Variants in ABCB7 observed in about 807,000 individuals in gnomAD.
ABCB7 encodes iron-sulfur clusters transporter ABCB7, mitochondrial.
ABCB7 carries 7 observed loss-of-function variants against 54.4 expected under a neutral mutation model. The ratio of observed to expected loss-of-function variants is 0.13; its 90% CI spans 0.07 to 0.24. The LOEUF is 0.24. Among genes scored for constraint, ABCB7 ranks in the 10% least tolerant of loss-of-function variants. The pLI, the probability that ABCB7 is intolerant of heterozygous loss-of-function variation, is 1.00. For missense variants in ABCB7, 356 were observed against 570.4 expected, an observed-to-expected ratio of 0.62 and a Z score of 3.83; for synonymous variants, 218 against 207.1, an observed-to-expected ratio of 1.05 and a Z score of -0.45.
At chrX:75,057,351 T>G (rs889770125) in intron 15 of ABCB7, among the ~76,000 whole-genome samples, 3 of 109,956 alleles carry the variant, frequency 2.7e-5, no homozygotes, top group African/African-American at 9.9e-5. Flanking sequence ...CTTACCAATA[T>G]ATTCTACAGA....
chrX:75,116,319 G>A (rs193020302), intron 1 of ABCB7, among the ~76,000 whole-genome samples: 21 of 40,234 alleles, frequency 5.2e-4, no homozygotes, highest in African/African-American at 1.8e-3. Flanking sequence ...CAAGCCCCCC[G>A]CCCCCATTGT....
At chrX:75,098,869 C>T in intron 4 of ABCB7, 73 bp downstream of exon 4, 1 of 1,186,666 alleles carries the variant, frequency 8.4e-7, no homozygotes, top group African/African-American at 1.7e-5. Flanking sequence ...TGATTTACAC[C>T]AGGCCCAGGA....
intron 4 of ABCB7, among the ~76,000 whole-genome samples, chrX:75,084,011 G>A (rs1039763903): frequency 8.1e-5 from 9 of 110,855 alleles, no homozygotes; most frequent in African/African-American, 2.0e-4. Flanking sequence ...GAGGAAAGTA[G>A]GAGAGTCAAA....
In ABCB7 at chrX:75,128,133, A is replaced by G. The variant is rs144827307; in HGVS notation, c.169-13302T>C. On this transcript the variant is annotated intron_variant, in intron 1 of 15. Coordinates refer to ENST00000373394, the MANE Select transcript of ABCB7 (RefSeq NM_001271696.3). The stretch of plus-strand genomic sequence containing the variant: ...CATATGGAACCAAAAAAGAGCCCAT[A>G]TAGCCAAGAGAATCCTAAAGAAAAA... Among the ~76,000 whole-genome samples the G allele has an allele frequency of 3.6e-3, 405 of 111,985 alleles. 1 individual carries two copies. The highest frequency in any genetic ancestry group is 0.011 in the African/African-American group (326 of 30,814).
intron 1 of ABCB7, among the ~76,000 whole-genome samples, chrX:75,146,010 C>T (rs913359561): frequency 9.0e-6 from 1 of 110,541 alleles, no homozygotes; most frequent in Non-Finnish European, 1.9e-5. Flanking sequence ...CATTCCTATA[C>T]ACCGACAACC....
At chrX:75,083,936 C>T (rs1204629098) in intron 4 of ABCB7, among the ~76,000 whole-genome samples, 1 of 110,964 alleles carries the variant, frequency 9.0e-6, no homozygotes, top group African/African-American at 3.3e-5. Context: ...AGCTGAAGAA[C>T]ATGATTATGT....
intron 1 of ABCB7, among the ~76,000 whole-genome samples, chrX:75,115,799 A>G (rs2147527516): frequency 9.7e-6 from 1 of 103,321 alleles, no homozygotes; most frequent in African/African-American, 3.5e-5. Context: ...GGGGGGGGGC[A>G]CGGGGCAGAA....
At chrX:75,130,443 G>A (rs776882528) in intron 1 of ABCB7, among the ~76,000 whole-genome samples, 81 of 112,792 alleles carry the variant, frequency 7.2e-4, no homozygotes, top group Middle Eastern at 4.6e-3. Context: ...AGAGTGTTAT[G>A]ACATTTGTGC....
At chrX:75,134,483 C>T (rs1037078109) in intron 1 of ABCB7, among the ~76,000 whole-genome samples, 1 of 111,545 alleles carries the variant, frequency 9.0e-6, no homozygotes, top group Non-Finnish European at 1.9e-5. Flanking sequence ...GACCTAACAG[C>T]CATCTACAGA....
chrX:75,124,758 G>A (rs1184438348), intron 1 of ABCB7, among the ~76,000 whole-genome samples: 3 of 111,735 alleles, frequency 2.7e-5, no homozygotes, highest in Admixed American at 9.5e-5. Flanking sequence ...AAATTGGTAC[G>A]AATCTCTGAG....
chrX:75,148,454 C>T (rs1331180708), intron 1 of ABCB7, among the ~76,000 whole-genome samples: 1 of 108,141 alleles, frequency 9.2e-6, no homozygotes, highest in Non-Finnish European at 1.9e-5. Context: ...TTTGCATATA[C>T]ATACACACAC....
intron 15 of ABCB7, among the ~76,000 whole-genome samples, chrX:75,054,658 C>A (rs1160412429): frequency 3.7e-5 from 4 of 109,391 alleles, no homozygotes; most frequent in African/African-American, 1.3e-4. Context: ...CAAAACCCTT[C>A]TCAACAGTAT....
intron 4 of ABCB7, among the ~76,000 whole-genome samples, chrX:75,094,684 G>A (rs112716874): frequency 2.7e-5 from 3 of 111,223 alleles, no homozygotes; most frequent in Non-Finnish European, 5.7e-5. Flanking sequence ...CTGCACTCCA[G>A]CCTGGGCAAC....
At chrX:75,078,389 G>A (rs994152296) in intron 4 of ABCB7, among the ~76,000 whole-genome samples, 1 of 111,459 alleles carries the variant, frequency 9.0e-6, no homozygotes. Flanking sequence ...CATTTTGTAT[G>A]TATATATGCA....
intron 1 of ABCB7, among the ~76,000 whole-genome samples, chrX:75,126,875 G>A (rs1461028354): frequency 9.0e-6 from 1 of 111,273 alleles, no homozygotes; most frequent in African/African-American, 3.3e-5. Flanking sequence ...TTGAATCCCT[G>A]AATAGACCAA....
At chrX:75,118,942 T>C (rs1206560725) in intron 1 of ABCB7, among the ~76,000 whole-genome samples, 1 of 111,811 alleles carries the variant, frequency 8.9e-6, no homozygotes, top group Non-Finnish European at 1.9e-5. Flanking sequence ...CTGCTTATTA[T>C]GCCCTAGAAA....
chrX:75,071,286 C>A (rs1446630872), intron 9 of ABCB7, among the ~76,000 whole-genome samples: 4 of 110,620 alleles, frequency 3.6e-5, no homozygotes, highest in African/African-American at 1.3e-4. Context: ...TAGTTCCAAA[C>A]AGTAATCCCA....
At chrX:75,119,333 G>T (rs141996082) in intron 1 of ABCB7, among the ~76,000 whole-genome samples, 2,357 of 112,036 alleles carry the variant, frequency 0.021, 38 homozygotes, top group South Asian at 0.13. Context: ...GTTGTGGAAG[G>T]TTTGTGAAAA....
intron 4 of ABCB7, among the ~76,000 whole-genome samples, chrX:75,085,170 T>A (rs1459754976): frequency 8.9e-6 from 1 of 112,281 alleles, no homozygotes; most frequent in African/African-American, 3.2e-5. Context: ...CTAGTTATAA[T>A]CTATAATCAC....
Sources: allele counts gnomAD v4.1 joint callset (sites outside exome capture counted in the v4.1 genomes callset), GRCh38; gene constraint gnomAD v4.1.1; transcripts MANE v1.5; gene names NCBI Gene and HGNC (gene_info 2026-07-23, HGNC 2026-07-21).